Variants in TRIO observed in about 807,000 individuals in gnomAD.
TRIO encodes the protein triple functional domain protein.
In TRIO, 58 loss-of-function variants were observed where a neutral mutation model predicts 351.9. The ratio of observed to expected loss-of-function variants is 0.16; its 90% CI spans 0.13 to 0.21. The LOEUF is 0.21. Among genes scored for constraint, TRIO ranks in the 10% least tolerant of loss-of-function variants. The pLI is 1.00. For synonymous variants in TRIO, 1,758 were observed against 1,595.7 expected, an observed-to-expected ratio of 1.10 and a Z score of -2.42; for missense variants, 3,201 against 4,027.8, an observed-to-expected ratio of 0.79 and a Z score of 5.56.
chr5:14,228,403 G>C (rs1044392049), intron 1 of TRIO, among the ~76,000 whole-genome samples: 2 of 152,232 alleles, frequency 1.3e-5, no homozygotes, highest in African/African-American at 4.8e-5. Context: ...TTCAGAGTGC[G>C]TATTAGGAAT....
chr5:14,507,082 C>G, intron 55 of TRIO, 40 bp from the exon 56 acceptor site: 1 of 1,537,548 alleles, frequency 6.5e-7, no homozygotes, highest in Non-Finnish European at 8.7e-7. Context: ...GTCTTCAAAG[C>G]AAATCGCATC....
At chr5:14,460,904 G>C in intron 34 of TRIO, 115 bp from the exon 35 acceptor site, 4 of 1,273,938 alleles carry the variant, frequency 3.1e-6, no homozygotes, top group Non-Finnish European at 4.2e-6. Flanking sequence ...GGCAAAGCCC[G>C]CTGACGAGGC....
chr5:14,479,195 G>C, intron 41 of TRIO, 66 bp from the exon 42 acceptor site: 1 of 1,313,716 alleles, frequency 7.6e-7, no homozygotes, highest in Non-Finnish European at 1.1e-6. Context: ...AAATGTGCGG[G>C]TACTCGTGTA....
At chr5:14,382,537 G>A (rs1244299231) in intron 21 of TRIO, among the ~76,000 whole-genome samples, 2 of 152,164 alleles carry the variant, frequency 1.3e-5, no homozygotes, top group Non-Finnish European at 2.9e-5. Context: ...GGTGAGCACT[G>A]GGGGAGGGCA....
intron 33 of TRIO, among the ~76,000 whole-genome samples, chr5:14,413,159 G>A (rs945015232): frequency 2.6e-5 from 4 of 152,172 alleles, no homozygotes; most frequent in Admixed American, 2.6e-4. Context: ...GGGCTACAGT[G>A]GATTTAGCTG....
intron 1 of TRIO, among the ~76,000 whole-genome samples, chr5:14,203,827 G>C (rs1351890225): frequency 2.6e-5 from 4 of 152,070 alleles, no homozygotes; most frequent in African/African-American, 9.7e-5. Flanking sequence ...AGGGGTGGGG[G>C]TGGGCTGATG....
intron 10 of TRIO, among the ~76,000 whole-genome samples, chr5:14,333,380 C>T (rs532150941): frequency 4.6e-5 from 7 of 152,256 alleles, no homozygotes; most frequent in East Asian, 1.9e-4. Context: ...TTTCCCTTCA[C>T]GGATGAAAAG....
intron 35 of TRIO, among the ~76,000 whole-genome samples, chr5:14,462,072 C>G (rs1272909041): frequency 6.6e-6 from 1 of 152,188 alleles, no homozygotes; most frequent in African/African-American, 2.4e-5. Flanking sequence ...ACCCCCGACT[C>G]AAGTCTCACA....
chr5:14,461,746 T>C (rs1338356614), intron 35 of TRIO, among the ~76,000 whole-genome samples: 1 of 152,244 alleles, frequency 6.6e-6, no homozygotes, highest in African/African-American at 2.4e-5. Flanking sequence ...AAAGCTCAAA[T>C]TGGAAATTTG....
At chr5:14,294,686 T>C (rs1386181064) in intron 6 of TRIO, among the ~76,000 whole-genome samples, 1 of 152,224 alleles carries the variant, frequency 6.6e-6, no homozygotes, top group Non-Finnish European at 1.5e-5. Context: ...CTTTCTTATT[T>C]GCCATGTGAC....
chr5:14,390,246 G>A lies in TRIO; in HGVS notation c.4074G>A (p.Glu1358=), dbSNP rs775323335. Residue 1358 remains glutamate, a synonymous_variant, in exon 26 of 57, where the codon GAG becomes GAA. Coordinates refer to ENST00000344204, the MANE Select transcript of TRIO (RefSeq NM_007118.4). ...TTCTTTGCAGCATATTCCTAAAGGA[G>A]CTGGAAAAATATGAACAGTTGCCAG... ...YEFHNNIFLK[E]LEKYEQLPED... is the part of the protein sequence containing the mutation. The A allele has an allele frequency of 2.5e-6, 4 of 1,613,946 alleles. No individual in the cohort carries two copies. The highest frequency in any genetic ancestry group is 3.3e-5 in the Admixed American group (2 of 59,984).
chr5:14,375,836 A>G (rs903456624), intron 19 of TRIO, among the ~76,000 whole-genome samples: 3 of 152,240 alleles, frequency 2.0e-5, no homozygotes, highest in Non-Finnish European at 2.9e-5. Flanking sequence ...CAATATTTTC[A>G]TGTAAGTGAT....
intron 1 of TRIO, among the ~76,000 whole-genome samples, chr5:14,251,192 T>A (rs1386561544): frequency 6.6e-6 from 1 of 152,168 alleles, no homozygotes; most frequent in African/African-American, 2.4e-5. Context: ...ATACAAGAAG[T>A]TACAAGGTTT....
intron 1 of TRIO, among the ~76,000 whole-genome samples, chr5:14,243,793 C>A (rs1316544723): frequency 6.6e-6 from 1 of 152,076 alleles, no homozygotes; most frequent in African/African-American, 2.4e-5. Context: ...CTAGTATGAT[C>A]CATTTTTGGT....
chr5:14,157,396 C>A (rs349585), intron 1 of TRIO, among the ~76,000 whole-genome samples: 9,080 of 149,938 alleles, frequency 0.061, 1,002 homozygotes, highest in African/African-American at 0.22. Flanking sequence ...TCTCTCTCTC[C>A]CCCTCCCCGC....
At chr5:14,461,432 A>G in intron 35 of TRIO, 121 bp downstream of exon 35, 1 of 1,320,942 alleles carries the variant, frequency 7.6e-7, no homozygotes, top group Non-Finnish European at 9.9e-7. Context: ...TTACTCAGAA[A>G]TTACCATTCA....
In TRIO at chr5:14,487,572, G is replaced by A. The variant is rs1474704462; in HGVS notation, c.6944G>A (p.Ser2315Asn). ...GGCAGCGGCGGCGGCGGGGCCCCCA[G>A]TGGCGGCAGCGGCCACAGTGGCGGC... ...GGGSGGGGAP[S>N]GGSGHSGGPS... Residue 2315 changes from serine to asparagine, a missense_variant, in exon 48 of 57, where the codon AGT becomes AAT. Around this residue, in one of 19 missense-constraint regions of TRIO, gnomAD observed 1,089 missense variants for 954.9 expected, o/e 1.14. Transcript: ENST00000344204. The A allele has an allele frequency of 8.9e-7, 1 of 1,127,412 alleles. No individual in the cohort carries two copies. The highest frequency in any genetic ancestry group is 1.1e-6 in the Non-Finnish European group (1 of 913,196). 69.8% of individuals were successfully genotyped at this position (1,127,412 alleles called of 1,614,324 possible).
At chr5:14,315,410 G>A (rs1292752225) in intron 8 of TRIO, among the ~76,000 whole-genome samples, 2 of 151,858 alleles carry the variant, frequency 1.3e-5, no homozygotes, top group South Asian at 4.2e-4. Context: ...CCGCCACCAC[G>A]CCCAGCTAAT....
At chr5:14,205,905 G>T (rs892145681) in intron 1 of TRIO, among the ~76,000 whole-genome samples, 6 of 151,952 alleles carry the variant, frequency 3.9e-5, no homozygotes, top group African/African-American at 1.5e-4. Flanking sequence ...GCTAATTTTT[G>T]TATTTTAGTA....
Sources: allele counts gnomAD v4.1 joint callset (sites outside exome capture counted in the v4.1 genomes callset), GRCh38; gene constraint gnomAD v4.1.1; regional missense constraint gnomAD v4.1.1; transcripts MANE v1.5; gene names NCBI Gene and HGNC (gene_info 2026-07-23, HGNC 2026-07-21).